TLE3: variants seen among roughly 807,000 people sequenced by gnomAD.
The protein encoded by TLE3 is TLE family member 3, transcriptional corepressor, also known as transducin-like enhancer protein 3.
TLE3 carries 14 observed loss-of-function variants against 93.0 expected under a neutral mutation model. The ratio of observed to expected loss-of-function variants is 0.15; its 90% CI spans 0.10 to 0.24. The LOEUF (loss-of-function observed/expected upper bound fraction) is 0.24, where lower values mean the gene tolerates loss of function less well. Among genes scored for constraint, TLE3 ranks in the 10% least tolerant of loss-of-function variants. The pLI is 1.00. For synonymous variants in TLE3, 451 were observed against 425.0 expected (o/e 1.06, Z -0.75); for missense variants, 693 against 1,046.6 (o/e 0.66, Z 4.66).
chr15:70,053,302 C>T lies in TLE3; in HGVS notation c.1899G>A (p.Gly633=), dbSNP rs1309927796. ...ISHDGTKLWT[G]GLDNTVRSWD... ...AGGAGCGCACCGTGTTGTCCAGGCCCCCTGTCCACAGTTTGGTGCCATCAT... is the reference window on the plus strand; with the variant it reads ...AGGAGCGCACCGTGTTGTCCAGGCCTCCTGTCCACAGTTTGGTGCCATCAT... Residue 633 remains glycine, a synonymous_variant, in exon 17 of 20, where the codon GGG becomes GGA. Transcript: ENST00000451782. 8 of 1,608,560 alleles carry T rather than the reference C, an allele frequency of 5.0e-6. No individual in the cohort carries two copies. The African/African-American group carries it at 8.0e-5, about 16-fold the overall frequency.
intron 7 of TLE3, 135 bp downstream of exon 7, chr15:70,065,879 C>A: frequency 1.0e-6 from 1 of 973,258 alleles, no homozygotes; most frequent in Non-Finnish European, 1.5e-6. Flanking sequence ...CACCAGGTAT[C>A]AACAGATGAC....
At position 70,055,207 on chromosome 15, in the gene TLE3, C is replaced by A; in HGVS notation, c.1420G>T (p.Ala474Ser). ...ALAGPGIPRH[A>S]RQINTLSHGE... ...TGGCTGAGTGTGTTGATCTGCCGGG[C>A]GTGCCTCGGGATGCCGGGGCCTGCC... Residue 474 changes from alanine (A) to serine (S), a missense_variant, in exon 15 of 20, where the codon GCC becomes TCC. Ala to Ser is a moderately conservative substitution (Grantham distance 99, BLOSUM62 1). This residue lies in a region of TLE3 where 405 missense variants were observed against 468.9 expected (regional missense o/e 0.86). Coordinates refer to ENST00000451782, the MANE Select transcript of TLE3 (RefSeq NM_001105192.3). The A allele has an allele frequency of 6.2e-7, 1 of 1,613,818 alleles. No individual in the cohort carries two copies. Among genetic ancestry groups the A allele is most frequent in the Non-Finnish European group, 8.5e-7 (1 of 1,179,922 alleles).
In TLE3 at chr15:70,075,954, T is replaced by C. The variant is rs1027457097; in HGVS notation, c.297+142A>G. 5 of 730,018 alleles carry C rather than the reference T, an allele frequency of 6.8e-6. No individual in the cohort carries two copies. The Admixed American group carries it at 9.7e-5, about 14-fold the overall frequency. 45.2% of individuals were successfully genotyped at this position (730,018 alleles called of 1,614,324 possible). On this transcript the variant is annotated intron_variant, in intron 5 of 19. Transcript: ENST00000451782. ...GACTGGCCGGAGAAGGCTCTGGAAA[T>C]CTCCAGGTTGTCAGCTCAGTCAGTA...
At chr15:70,052,722 T>C in intron 17 of TLE3, 198 bp from the exon 18 acceptor site, 1 of 451,074 alleles carries the variant, frequency 2.2e-6, no homozygotes. Context: ...ATTCAGTTAC[T>C]CTGTCTCTGA....
intron 13 of TLE3, among the ~76,000 whole-genome samples, 171 bp from the exon 14 acceptor site, chr15:70,056,545 G>A (rs984189763): frequency 2.0e-5 from 3 of 152,118 alleles, no homozygotes; most frequent in African/African-American, 7.2e-5. Flanking sequence ...ACAGGCCCAG[G>A]ACAGCCCGTG....
chr15:70,076,409 A>G (rs770314891), intron 4 of TLE3, among the ~76,000 whole-genome samples: 1 of 152,230 alleles, frequency 6.6e-6, no homozygotes, highest in Non-Finnish European at 1.5e-5. Context: ...GAGGTAGTCT[A>G]CATGTCTGGT....
At chr15:70,062,309 G>A (rs892206633) in intron 8 of TLE3, among the ~76,000 whole-genome samples, 12 of 152,314 alleles carry the variant, frequency 7.9e-5, no homozygotes, top group African/African-American at 2.2e-4. Context: ...TTCCTCTGAC[G>A]GTGGTGGCCA....
In TLE3 at chr15:70,096,891, G is replaced by A. The variant is rs766365595; in HGVS notation, c.-93C>T. 9.0e-6 allele frequency: 13 copies of A among 1,441,830 alleles called. No homozygotes were observed. Among genetic ancestry groups the A allele is most frequent in the African/African-American group, 1.4e-5 (1 of 69,600 alleles). The allele number at this position is 1,441,830 out of a possible 1,614,324, so 89.3% of individuals were successfully genotyped here. ...AGGGGGGAGCCGAGCCCGAGCGGGG[G>A]GCGGCCGGGAAACCGAGAGCTCGCC... On this transcript the variant is annotated 5_prime_UTR_variant, in exon 1 of 20. Coordinates refer to ENST00000451782, the MANE Select transcript of TLE3 (RefSeq NM_001105192.3).
At chr15:70,086,501 G>C (rs1301712969) in intron 4 of TLE3, among the ~76,000 whole-genome samples, 3 of 152,176 alleles carry the variant, frequency 2.0e-5, no homozygotes, top group Non-Finnish European at 4.4e-5. Flanking sequence ...ACCAGGAAGG[G>C]AGAGCCCTCT....
chr15:70,061,056 T>C (rs906371524), intron 8 of TLE3, among the ~76,000 whole-genome samples: 9 of 152,130 alleles, frequency 5.9e-5, no homozygotes, highest in Admixed American at 5.9e-4. Context: ...CTGAGTCTTG[T>C]AAGATGGATC....
Position 70,084,669 on chromosome 15 carries a change from T to C in TLE3, c.235-8511A>G, listed in dbSNP as rs1420944381. ...TGGCCACTGGTCTGCTGTGCAACAA[T>C]GAGCAAGTTACTCAACCTCTTTAAC... On this transcript the variant is annotated intron_variant, in intron 4 of 19. Transcript: ENST00000451782. Among the ~76,000 whole-genome samples the C allele has an allele frequency of 3.3e-5, 5 of 152,310 alleles. No individual in the cohort carries two copies. In the South Asian group the frequency reaches 6.2e-4, roughly 19 times the overall value.
At chr15:70,057,805 T>C (rs1417864844) in intron 12 of TLE3, 147 bp from the exon 13 acceptor site, 19 of 1,005,036 alleles carry the variant, frequency 1.9e-5, no homozygotes, top group Non-Finnish European at 2.6e-5. Context: ...GTGGGATCCC[T>C]GCCTTCAGAG....
In TLE3 at chr15:70,095,747, C is replaced by CG; in HGVS notation, c.126-107_126-106insC. On this transcript the variant is annotated intron_variant, in intron 2 of 19. Coordinates refer to ENST00000451782, the MANE Select transcript of TLE3 (RefSeq NM_001105192.3). Reference sequence around the variant, plus strand: ...CACTTTTCCACTTTCCTGACACCCCCCCGGGGGCGCCCCCATTATCCCACA... The same window carrying CG: ...CACTTTTCCACTTTCCTGACACCCCCGCCGGGGGCGCCCCCATTATCCCACA... 4 of 1,360,852 alleles carry CG rather than the reference C, an allele frequency of 2.9e-6. No homozygotes were observed. The South Asian group carries it at 5.8e-5, about 20-fold the overall frequency. 84.3% of individuals were successfully genotyped at this position (1,360,852 alleles called of 1,614,324 possible).
In TLE3 at chr15:70,052,447, G is replaced by A; in HGVS notation, c.2052C>T (p.His684=). 6.2e-7 allele frequency: 1 copy of A among 1,614,002 alleles called. No homozygotes were observed. The highest frequency in any genetic ancestry group is 8.5e-7 in the Non-Finnish European group (1 of 1,179,920). The change falls in exon 18 of 20, where the codon CAC becomes CAT. Residue 684 remains histidine, a synonymous_variant. Transcript: ENST00000451782. ...GCTGGTACTTGTCAGGCTTGGTGTGGTGCAGCACCTCCACGTTGCTGCTCT... is the reference window on the plus strand; with the variant it reads ...GCTGGTACTTGTCAGGCTTGGTGTGATGCAGCACCTCCACGTTGCTGCTCT... The part of the protein sequence containing the change: ...GMESSNVEVL[H]HTKPDKYQLH...
chr15:70,060,347 G>A (rs2056386822), intron 9 of TLE3, among the ~76,000 whole-genome samples, 183 bp downstream of exon 9: 1 of 152,178 alleles, frequency 6.6e-6, no homozygotes, highest in Admixed American at 6.5e-5. Flanking sequence ...CTCATAGCGT[G>A]TGTGAACTTC....
chr15:70,073,489 G>A (rs773961589), intron 6 of TLE3, among the ~76,000 whole-genome samples: 1 of 152,334 alleles, frequency 6.6e-6, no homozygotes, highest in South Asian at 2.1e-4. Flanking sequence ...CAGAATGTTA[G>A]AGTTGAATCA....
chr15:70,066,239 A>G (rs777287463), intron 6 of TLE3, 21 bp from the exon 7 acceptor site: 5 of 1,489,852 alleles, frequency 3.4e-6, no homozygotes, highest in Admixed American at 4.9e-5. Flanking sequence ...GTCGGTGGTG[A>G]GTACAGCTGA....
chr15:70,052,307 CT>C, intron 18 of TLE3, 66 bp downstream of exon 18: 1 of 1,581,214 alleles, frequency 6.3e-7, no homozygotes, highest in Non-Finnish European at 8.6e-7. Context: ...CTCTTCTGTC[CT>C]GTTGGGCCAG....
intron 4 of TLE3, among the ~76,000 whole-genome samples, chr15:70,087,838 T>A (rs1161708492): frequency 6.6e-6 from 1 of 152,220 alleles, no homozygotes; most frequent in Non-Finnish European, 1.5e-5. Context: ...AATAATGAAG[T>A]CGGCTGGTGT....
Sources: gnomAD v4.1 joint callset for allele counts (sites outside exome capture counted in the v4.1 genomes callset) on GRCh38, gnomAD v4.1.1 for gene constraint, gnomAD v4.1.1 regional missense constraint, MANE v1.5 for transcripts, NCBI Gene and HGNC (gene_info 2026-07-23, HGNC 2026-07-21) for gene names.